The following PXDN variants were observed in gnomAD, a reference collection of about 807,000 sequenced individuals.
The protein encoded by PXDN is peroxidasin.
A neutral mutation model predicts 140.3 loss-of-function variants in PXDN; 77 were observed. That is an observed-to-expected ratio of 0.55 (90% CI 0.46 to 0.66). The LOEUF (loss-of-function observed/expected upper bound fraction) is 0.66, where lower values mean the gene tolerates loss of function less well. PXDN is among the 30% of genes least tolerant of loss of function. The pLI is 0.00. For synonymous variants in PXDN, 911 were observed against 857.4 expected, an observed-to-expected ratio of 1.06 and a Z score of -1.09; for missense variants, 1,838 against 2,039.5, an observed-to-expected ratio of 0.90 and a Z score of 1.90.
intron 1 of PXDN, among the ~76,000 whole-genome samples, chr2:1,736,810 C>T (rs1399951312): frequency 6.6e-6 from 1 of 152,200 alleles, no homozygotes; most frequent in African/African-American, 2.4e-5. Flanking sequence ...AGCAAGCCTA[C>T]TTTAAGTATG....
chr2:1,663,554 T>A (rs1209780322), intron 12 of PXDN, 51 bp downstream of exon 12: 1 of 1,597,936 alleles, frequency 6.3e-7, no homozygotes, highest in African/African-American at 1.3e-5. Context: ...CTGTGTTTCC[T>A]GATAACCGAT....
intron 1 of PXDN, among the ~76,000 whole-genome samples, chr2:1,721,508 T>C (rs1420326439): frequency 6.6e-6 from 1 of 152,206 alleles, no homozygotes. Context: ...CAGGCTCTAG[T>C]GAAACAGATT....
Position 1,632,910 on chromosome 2 carries a change from C to G in PXDN, c.*1294G>C, listed in dbSNP as rs1682448016. The G allele has an allele frequency of 6.6e-6, 1 of 152,582 alleles. No individual in the cohort carries two copies. The highest frequency in any genetic ancestry group is 2.4e-5 in the African/African-American group (1 of 41,446). 9.5% of individuals were successfully genotyped at this position (152,582 alleles called of 1,614,324 possible). ...CTGTGCCTGGCACATGGTGGATACTCAGGTCAGCGTGCTGCACTGAAGCTG... is the reference window on the plus strand; with the variant it reads ...CTGTGCCTGGCACATGGTGGATACTGAGGTCAGCGTGCTGCACTGAAGCTG... On this transcript the variant is annotated 3_prime_UTR_variant, in exon 23 of 23. Coordinates refer to ENST00000252804, the MANE Select transcript of PXDN (RefSeq NM_012293.3). This position sits in a 1 kb window ranked among gnomAD's most constrained non-coding sequence, Gnocchi z 4.3.
At chr2:1,675,983 C>G (rs1683697265) in intron 8 of PXDN, among the ~76,000 whole-genome samples, 1 of 152,184 alleles carries the variant, frequency 6.6e-6, no homozygotes, top group Non-Finnish European at 1.5e-5. Flanking sequence ...GAAGGTAGGA[C>G]ATGGTGGCTT....
chr2:1,680,138 T>TGTGTGTGTGGATGGC, intron 7 of PXDN, 55 bp downstream of exon 7: 1 of 1,477,264 alleles, frequency 6.8e-7, no homozygotes, highest in Admixed American at 2.0e-5. Context: ...GTGTGGATGG[T>TGTGTGTGTGGATGGC]GTGTGTGTAG....
In PXDN at chr2:1,687,908, T is replaced by C. The variant is rs573298139; in HGVS notation, c.345-205A>G. Among the ~76,000 whole-genome samples, 1 of 152,326 alleles carries C rather than the reference T, an allele frequency of 6.6e-6. No homozygotes were observed. Among genetic ancestry groups the C allele is most frequent in the African/African-American group, 2.4e-5 (1 of 41,582 alleles). On this transcript the variant is annotated intron_variant, in intron 3 of 22. Coordinates refer to ENST00000252804, the MANE Select transcript of PXDN (RefSeq NM_012293.3). This position sits in a 1 kb window ranked among gnomAD's most constrained non-coding sequence, Gnocchi z 4.0. The stretch of plus-strand genomic sequence containing the variant: ...TCTCAAGGGGGCTAAAAGCAACCGG[T>C]GCCAACTGAAGGTGATCAAACCACT...
chr2:1,662,493 G>A (rs1276577246), intron 12 of PXDN, among the ~76,000 whole-genome samples: 2 of 152,158 alleles, frequency 1.3e-5, no homozygotes, highest in Non-Finnish European at 2.9e-5. Context: ...ATGTCCTCCA[G>A]CCCCCAGTCC....
rs1369691488 is a variant in PXDN, at chr2:1,653,666, T to C, written c.2066A>G (p.His689Arg). 6.2e-7 allele frequency: 1 copy of C among 1,612,634 alleles called. No homozygotes were observed. The highest frequency in any genetic ancestry group is 8.5e-7 in the Non-Finnish European group (1 of 1,179,490). Reference protein sequence around the residue: ...FERTLQLIQEHVQHGLMVDLN... With the variant: ...FERTLQLIQERVQHGLMVDLN... Reference sequence around the variant, plus strand: ...GTCGACCATCAAGCCATGCTGTACATGCTCCTGAATGAGCTGCAATGTCCG... The same window carrying C: ...GTCGACCATCAAGCCATGCTGTACACGCTCCTGAATGAGCTGCAATGTCCG... The change falls in exon 16 of 23, where the codon CAT becomes CGT. Residue 689 changes from histidine (H) to arginine (R), a missense_variant. His to Arg is a conservative substitution (Grantham distance 29). Around this residue, in one of 5 missense-constraint regions of PXDN, gnomAD observed 537 missense variants for 583.9 expected, o/e 0.92. Coordinates refer to ENST00000252804, the MANE Select transcript of PXDN (RefSeq NM_012293.3).
chr2:1,641,374 T>C (rs2125405549), intron 19 of PXDN, among the ~76,000 whole-genome samples: 1 of 152,312 alleles, frequency 6.6e-6, no homozygotes, highest in Admixed American at 6.5e-5. Flanking sequence ...AGTCTCGAAC[T>C]CCTAACCTCA....
intron 22 of PXDN, among the ~76,000 whole-genome samples, chr2:1,634,811 A>T (rs116408694): frequency 0.012 from 1,873 of 152,290 alleles, 37 homozygotes; most frequent in African/African-American, 0.043. Context: ...CCATGGCAAG[A>T]GAAGTGCCCG....
chr2:1,699,791 G>A (rs116258805), intron 1 of PXDN, among the ~76,000 whole-genome samples: 67 of 152,234 alleles, frequency 4.4e-4, no homozygotes, highest in African/African-American at 1.6e-3. Context: ...ACACTATATC[G>A]TTCGGTTCGA....
At chr2:1,695,115 C>A (rs557907441) in intron 1 of PXDN, among the ~76,000 whole-genome samples, 1 of 152,356 alleles carries the variant, frequency 6.6e-6, no homozygotes, top group African/African-American at 2.4e-5. Flanking sequence ...ACGCAAGCCA[C>A]AGAGGAGGCA....
chr2:1,662,144 C>A lies in PXDN; in HGVS notation c.1608G>T (p.Val536=). The A allele has an allele frequency of 6.3e-7, 1 of 1,595,638 alleles. No homozygotes were observed. Among genetic ancestry groups the A allele is most frequent in the East Asian group, 2.3e-5 (1 of 44,158 alleles). The change falls in exon 13 of 23, where the codon GTG becomes GTT. Residue 536 remains valine (V), a synonymous_variant. Transcript: ENST00000252804. ...GGAGCTGCACATTGGCGCCCACCTC[C>A]ACTGTTGTGTCGCTGGGAATGCTGG... is the stretch of plus-strand genomic sequence containing the variant. ...VFASIPSDTT[V]EVGANVQLPC...
rs1682490983 is a variant in PXDN, at chr2:1,634,314, C to T, written c.4330G>A (p.Val1444Ile). ...CTICECKDGQ[V>I]TCFVEACPPA... is the part of the protein sequence containing the mutation. Reference sequence around the variant, plus strand: ...GGGCAAGCTTCCACGAAGCAGGTGACCTGCCCGTCCTGGAGAAGAGAGACG... The same window carrying T: ...GGGCAAGCTTCCACGAAGCAGGTGATCTGCCCGTCCTGGAGAAGAGAGACG... The change falls in exon 23 of 23, where the codon GTC (valine) becomes ATC (isoleucine). Residue 1444 changes from valine to isoleucine, a missense_variant. Physicochemically the swap from Val to Ile is conservative, Grantham distance 29 (BLOSUM62 3). Around this residue, in one of 5 missense-constraint regions of PXDN, gnomAD observed 850 missense variants for 894.1 expected, o/e 0.95. Coordinates refer to ENST00000252804, the MANE Select transcript of PXDN (RefSeq NM_012293.3). The T allele has an allele frequency of 1.3e-6, 2 of 1,584,856 alleles. No homozygotes were observed. The highest frequency in any genetic ancestry group is 1.2e-5 in the South Asian group (1 of 86,568).
intron 1 of PXDN, among the ~76,000 whole-genome samples, chr2:1,708,507 T>C (rs929238096): frequency 3.9e-5 from 6 of 152,068 alleles, no homozygotes; most frequent in African/African-American, 1.4e-4. Flanking sequence ...GAAGCCCAAG[T>C]GATTCTCAAT....
At chr2:1,719,121 C>G (rs956305237) in intron 1 of PXDN, among the ~76,000 whole-genome samples, 1 of 152,218 alleles carries the variant, frequency 6.6e-6, no homozygotes, top group Non-Finnish European at 1.5e-5. Context: ...AGCGAGCCAG[C>G]CTGGGGCCCT....
chr2:1,731,947 G>A (rs1001215520), intron 1 of PXDN, among the ~76,000 whole-genome samples: 18 of 152,064 alleles, frequency 1.2e-4, no homozygotes, highest in African/African-American at 4.3e-4. Context: ...TATGAGCTTG[G>A]GAATGTGAAT....
intron 6 of PXDN, 83 bp from the exon 7 acceptor site, chr2:1,680,445 G>A (rs913396511): frequency 4.8e-5 from 74 of 1,527,896 alleles, no homozygotes; most frequent in African/African-American, 4.6e-4. Context: ...TCCAGGTCCC[G>A]CGTCGGGAAA....
At chr2:1,676,503 C>T (rs1683720291) in intron 8 of PXDN, 1 of 193,006 alleles carries the variant, frequency 5.2e-6, no homozygotes, top group Non-Finnish European at 1.1e-5. Context: ...GGACGCCGTC[C>T]CAGCAGAGGT....
Sources: gnomAD v4.1 joint callset for allele counts (sites outside exome capture counted in the v4.1 genomes callset) on GRCh38, gnomAD v4.1.1 for gene constraint, gnomAD v4.1.1 regional missense constraint, Gnocchi (gnomAD v3.1) non-coding constraint, MANE v1.5 for transcripts, NCBI Gene and HGNC (gene_info 2026-07-23, HGNC 2026-07-21) for gene names.